The following DGLUCY variants were observed in gnomAD, a reference collection of about 807,000 sequenced individuals.
DGLUCY encodes the protein D-glutamate cyclase, mitochondrial.
Under a neutral mutation model 58.5 loss-of-function variants are expected in DGLUCY, and 58 were observed. The observed-to-expected ratio is 0.99, with a 90% CI of 0.80 to 1.23. The LOEUF is 1.23. Among genes scored for constraint, DGLUCY ranks in the 50% most tolerant of loss-of-function variants. The pLI is 0.00. For synonymous variants in DGLUCY, 325 were observed against 314.1 expected, an observed-to-expected ratio of 1.03 and a Z score of -0.37; for missense variants, 779 against 784.7, an observed-to-expected ratio of 0.99 and a Z score of 0.09.
intron 1 of DGLUCY, among the ~76,000 whole-genome samples, chr14:91,138,407 C>T (rs2046460277): frequency 6.6e-6 from 1 of 152,156 alleles, no homozygotes; most frequent in Admixed American, 6.6e-5. Context: ...AGGAGAATCG[C>T]TTGAACCCAG....
At chr14:91,167,793 A>G (rs1362253906) in intron 4 of DGLUCY, 2 of 634,030 alleles carry the variant, frequency 3.2e-6, no homozygotes, top group South Asian at 1.9e-5. Flanking sequence ...AAATGGCCCT[A>G]CTGATGCTGG....
At chr14:91,207,181 G>T (rs1405020371) in intron 12 of DGLUCY, among the ~76,000 whole-genome samples, 1 of 51,712 alleles carries the variant, frequency 1.9e-5, no homozygotes, top group Non-Finnish European at 4.1e-5. Context: ...AAAAAAAGAG[G>T]AAGTAGATAG....
chr14:91,066,855 T>C (rs931454528), intron 1 of DGLUCY, among the ~76,000 whole-genome samples: 11 of 149,332 alleles, frequency 7.4e-5, no homozygotes, highest in Non-Finnish European at 1.3e-4. Context: ...CCGAGGCGGG[T>C]GGATCACGAG....
In DGLUCY at chr14:91,173,342, G is replaced by A. The variant is rs374015135; in HGVS notation, c.510G>A (p.Thr170=). The A allele has an allele frequency of 3.6e-5, 58 of 1,612,818 alleles. No individual in the cohort carries two copies. Among genetic ancestry groups the A allele is most frequent in the Non-Finnish European group, 3.9e-5 (46 of 1,179,856 alleles). Residue 170 remains threonine, a synonymous_variant, in exon 6 of 14, where the codon ACG becomes ACA. Transcript: ENST00000256324. ...GCTTCTGCTGCCCTCTGGTGGTCAC[G>A]ATGAGGCCCATTCCCAAGGACAAGC... ...HAGFCCPLVV[T]MRPIPKDKLE...
chr14:91,128,963 T>G (rs932924981), intron 1 of DGLUCY: 1 of 151,848 alleles, frequency 6.6e-6, no homozygotes. Context: ...AGACAGTTTC[T>G]GAAAGAAAAA....
chr14:91,188,088 C>G (rs1441596313), intron 8 of DGLUCY, among the ~76,000 whole-genome samples: 1 of 152,178 alleles, frequency 6.6e-6, no homozygotes, highest in Admixed American at 6.5e-5. Flanking sequence ...GTGTGTTCCT[C>G]TCTCACACAG....
chr14:91,128,391 A>G (rs148435418), intron 1 of DGLUCY, among the ~76,000 whole-genome samples: 1 of 151,652 alleles, frequency 6.6e-6, no homozygotes, highest in African/African-American at 2.4e-5. Flanking sequence ...GCTATTGGAG[A>G]GGCTGAAGTG....
At chr14:91,097,719 G>A (rs530032311) in intron 1 of DGLUCY, among the ~76,000 whole-genome samples, 1 of 151,132 alleles carries the variant, frequency 6.6e-6, no homozygotes, top group African/African-American at 2.4e-5. Flanking sequence ...TGTTGCCCAG[G>A]CTGGAGTGCA....
intron 12 of DGLUCY, among the ~76,000 whole-genome samples, chr14:91,211,202 G>T (rs1885633054): frequency 6.6e-6 from 1 of 152,146 alleles, no homozygotes. Flanking sequence ...TCAATGGAGA[G>T]ATATTCCATG....
At chr14:91,207,152 C>T (rs1433886869) in intron 12 of DGLUCY, among the ~76,000 whole-genome samples, 2 of 42,778 alleles carry the variant, frequency 4.7e-5, no homozygotes, top group African/African-American at 2.1e-4. Context: ...GAGCAAGACA[C>T]TGTCTCAGGA....
intron 1 of DGLUCY, among the ~76,000 whole-genome samples, chr14:91,132,514 T>C (rs559014167): frequency 1.6e-4 from 24 of 151,730 alleles, no homozygotes; most frequent in African/African-American, 5.3e-4. Context: ...AGTCTTGCTC[T>C]GTCACCCAGG....
intron 8 of DGLUCY, among the ~76,000 whole-genome samples, chr14:91,182,800 A>G (rs888400128): frequency 6.6e-6 from 1 of 152,198 alleles, no homozygotes; most frequent in Non-Finnish European, 1.5e-5. Context: ...AACGCATCTC[A>G]GGGGAAGGAT....
intron 7 of DGLUCY, among the ~76,000 whole-genome samples, chr14:91,180,833 A>G (rs1037233601): frequency 6.6e-6 from 1 of 152,244 alleles, no homozygotes; most frequent in African/African-American, 2.4e-5. Context: ...GCTGGAAAGC[A>G]AAGCAAGATG....
intron 9 of DGLUCY, among the ~76,000 whole-genome samples, chr14:91,190,732 G>A (rs899306544): frequency 3.9e-5 from 6 of 152,090 alleles, no homozygotes; most frequent in Admixed American, 1.3e-4. Flanking sequence ...TGGGACGAGG[G>A]ACAGAGAGGT....
At chr14:91,205,032 G>A (rs1449666976) in intron 12 of DGLUCY, among the ~76,000 whole-genome samples, 3 of 152,130 alleles carry the variant, frequency 2.0e-5, no homozygotes, top group Non-Finnish European at 4.4e-5. Context: ...TGAGCACTGG[G>A]GTTATAGCTG....
rs11306803 is a variant in DGLUCY at position 91,217,483 on chromosome 14, C to CT, written c.1716+1945dup. Among the ~76,000 whole-genome samples, 699 of 123,114 alleles carry CT rather than the reference C, an allele frequency of 5.7e-3. 3 individuals are homozygous for CT. Among genetic ancestry groups the CT allele is most frequent in the East Asian group, 0.017 (70 of 4,146 alleles). The allele number at this position is 123,114 out of a possible 152,430, so 80.8% of individuals were successfully genotyped here. A position where few individuals can be genotyped will look rare whatever the true frequency, so the allele number is the denominator to read the frequency against. On this transcript the variant is annotated intron_variant, in intron 13 of 13. Transcript: ENST00000256324. ...GTCCGCATTGCTGCCCCTTTTCTGTCTTTTTTTTTTTTTTTTTTGAGACAG... is the reference window on the plus strand; with the variant it reads ...GTCCGCATTGCTGCCCCTTTTCTGTCTTTTTTTTTTTTTTTTTTTGAGACAG...
chr14:91,109,611 G>C (rs114308860), upstream of DGLUCY, among the ~76,000 whole-genome samples: 1,992 of 152,248 alleles, frequency 0.013, 58 homozygotes, highest in African/African-American at 0.045. Flanking sequence ...GTTCTGATGA[G>C]GTTCCTCTTC....
chr14:91,190,062 A>G (rs1008339027), intron 9 of DGLUCY, among the ~76,000 whole-genome samples: 1 of 134,374 alleles, frequency 7.4e-6, no homozygotes, highest in Non-Finnish European at 1.5e-5. Context: ...ATCTCGGCTC[A>G]CTGCAAGCTC....
intron 11 of DGLUCY, among the ~76,000 whole-genome samples, chr14:91,202,409 G>A (rs146417016): frequency 1.3e-5 from 2 of 152,300 alleles, no homozygotes; most frequent in South Asian, 2.1e-4. Flanking sequence ...GTTTCCAAGT[G>A]TTTCCCAGAC....
Sources: gnomAD v4.1 joint callset for allele counts (sites outside exome capture counted in the v4.1 genomes callset) on GRCh38, gnomAD v4.1.1 for gene constraint, MANE v1.5 for transcripts, NCBI Gene and HGNC (gene_info 2026-07-23, HGNC 2026-07-21) for gene names.